AGAP1: variants seen among roughly 807,000 people sequenced by gnomAD.
The protein encoded by AGAP1 is arf-GAP with GTPase, ANK repeat and PH domain-containing protein 1.
In AGAP1, 29 loss-of-function variants were observed where a neutral mutation model predicts 105.3. The observed-to-expected ratio is 0.28, with a 90% CI of 0.21 to 0.38. The LOEUF (loss-of-function observed/expected upper bound fraction) is 0.38. Among genes scored for constraint, AGAP1 ranks in the 10% least tolerant of loss-of-function variants. The pLI is 1.00. For missense variants in AGAP1, 998 were observed against 1,165.1 expected, an observed-to-expected ratio of 0.86 and a Z score of 2.09; for synonymous variants, 509 against 485.9, an observed-to-expected ratio of 1.05 and a Z score of -0.63.
chr2:235,652,662 C>A (rs899184586), intron 1 of AGAP1, among the ~76,000 whole-genome samples: 1 of 152,056 alleles, frequency 6.6e-6, no homozygotes, highest in African/African-American at 2.4e-5. Flanking sequence ...GAGGCCCAGG[C>A]GGGTGGATCA....
intron 6 of AGAP1, among the ~76,000 whole-genome samples, chr2:235,764,137 C>T (rs1262121688): frequency 1.3e-5 from 2 of 152,192 alleles, no homozygotes; most frequent in Non-Finnish European, 2.9e-5. Context: ...TAAGCTCTTC[C>T]GACTGGTTGG....
At chr2:235,944,354 C>A (rs2053397983) in intron 12 of AGAP1, among the ~76,000 whole-genome samples, 1 of 152,200 alleles carries the variant, frequency 6.6e-6, no homozygotes, top group Non-Finnish European at 1.5e-5. Context: ...ACAACCTTAC[C>A]AGTTATCTTT....
At position 235,711,749 on chromosome 2, in the gene AGAP1, G is replaced by A. The variant is rs56022422; in HGVS notation, c.222+2512G>A. On this transcript the variant is annotated intron_variant, in intron 2 of 17. Coordinates refer to ENST00000304032, the MANE Select transcript of AGAP1 (RefSeq NM_001037131.3). ...GGAGTGCTCAGGGACTGAAGAAAGC[G>A]CTGCTTTGTTCCCTAGGCAGCCTCC... is the stretch of plus-strand genomic sequence containing the variant. 6.3e-3 allele frequency among the ~76,000 whole-genome samples: 958 copies of A among 152,226 alleles called. 17 individuals are homozygous for A. The highest frequency in any genetic ancestry group is 6.2e-3 in the Non-Finnish European group (422 of 68,004).
In AGAP1 at chr2:235,578,255, G is replaced by T. The variant is rs1026834947; in HGVS notation, c.163+83406G>T. ...GCTCCACGGTGCCCGTCTCCTACCT[G>T]CACTGTGCCCCCACACCTTTGTTGA... On this transcript the variant is annotated intron_variant, in intron 1 of 17. Transcript: ENST00000304032. The surrounding 1 kb of genome is among the most constrained non-coding windows in gnomAD (Gnocchi z 4.9). Among the ~76,000 whole-genome samples, 8 of 152,120 alleles carry T rather than the reference G, an allele frequency of 5.3e-5. No homozygotes were observed. The highest frequency in any genetic ancestry group is 1.9e-4 in the African/African-American group (8 of 41,428).
Position 235,695,466 on chromosome 2 carries a change from G to A in AGAP1, c.164-13713G>A, listed in dbSNP as rs114944106. 5.6e-3 allele frequency among the ~76,000 whole-genome samples: 857 copies of A among 152,246 alleles called. 11 individuals are homozygous for A. The highest frequency in any genetic ancestry group is 0.02 in the African/African-American group (823 of 41,520). Reference sequence around the variant, plus strand: ...CTTCCTTCACGGGTGTTTATATGTCGTCTCTGTCAGTCAGTTACATGGTGA... The same window carrying A: ...CTTCCTTCACGGGTGTTTATATGTCATCTCTGTCAGTCAGTTACATGGTGA... On this transcript the variant is annotated intron_variant, in intron 1 of 17. Transcript: ENST00000304032.
rs200875900 is a variant in AGAP1 at position 235,893,470 on chromosome 2, A to G, written c.1155+10021A>G. ...GCTGTGTCTGTGGTGCGGGTGCACC[A>G]TGTCCATCATAAGGGTGAGCCATGT... On this transcript the variant is annotated intron_variant, in intron 10 of 17. Coordinates refer to ENST00000304032, the MANE Select transcript of AGAP1 (RefSeq NM_001037131.3). The surrounding 1 kb of genome is among the most constrained non-coding windows in gnomAD (Gnocchi z 4.7). Among the ~76,000 whole-genome samples the G allele has an allele frequency of 2.1e-5, 3 of 144,380 alleles. No individual in the cohort carries two copies. The East Asian group carries it at 6.4e-4, about 31-fold the overall frequency. The allele number at this position is 144,380 out of a possible 152,430, so 94.7% of individuals were successfully genotyped here.
Position 235,596,107 on chromosome 2 carries a change from C to T in AGAP1, c.163+101258C>T, listed in dbSNP as rs1945517776. Among the ~76,000 whole-genome samples, 1 of 152,198 alleles carries T rather than the reference C, an allele frequency of 6.6e-6. No individual in the cohort carries two copies. Among genetic ancestry groups the T allele is most frequent in the African/African-American group, 2.4e-5 (1 of 41,452 alleles). On this transcript the variant is annotated intron_variant, in intron 1 of 17. Coordinates refer to ENST00000304032, the MANE Select transcript of AGAP1 (RefSeq NM_001037131.3). This position sits in a 1 kb window ranked among gnomAD's most constrained non-coding sequence, Gnocchi z 5.9. ...TGCTCCTAACAGTGATGCCGTCTTT[C>T]CATGGAAATCACCCATAAGCACAGC... is the stretch of plus-strand genomic sequence containing the variant.
Position 235,608,359 on chromosome 2 carries a change from C to T in AGAP1, c.164-100820C>T, listed in dbSNP as rs1271057466. Among the ~76,000 whole-genome samples the T allele has an allele frequency of 2.0e-5, 3 of 152,270 alleles. No individual in the cohort carries two copies. Among genetic ancestry groups the T allele is most frequent in the Middle Eastern group, 3.4e-3 (1 of 294 alleles). On this transcript the variant is annotated intron_variant, in intron 1 of 17. Transcript: ENST00000304032. The surrounding 1 kb of genome is among the most constrained non-coding windows in gnomAD (Gnocchi z 5.4). ...AGTAATCTGGCTCTGGGAGGAAACT[C>T]GCTGATTGGAGACTAGCTGAGAGGG...
chr2:235,860,576 A>T (rs2048887689), intron 9 of AGAP1, among the ~76,000 whole-genome samples: 2 of 152,242 alleles, frequency 1.3e-5, no homozygotes, highest in African/African-American at 4.8e-5. Flanking sequence ...AATTTCTCAA[A>T]AATACAGCAA....
intron 13 of AGAP1, among the ~76,000 whole-genome samples, chr2:235,995,545 A>G (rs978524681): frequency 6.6e-6 from 1 of 152,166 alleles, no homozygotes; most frequent in African/African-American, 2.4e-5. Flanking sequence ...AAAAAATTCT[A>G]CTTAAAGAAG....
At position 235,855,656 on chromosome 2, in the gene AGAP1, C is replaced by T. The variant is rs1365239710; in HGVS notation, c.1051-27689C>T. 6.6e-6 allele frequency among the ~76,000 whole-genome samples: 1 copy of T among 152,158 alleles called. No homozygotes were observed. The highest frequency in any genetic ancestry group is 2.4e-5 in the African/African-American group (1 of 41,440). Reference sequence around the variant, plus strand: ...AGCTACTCATCTCATTCTCTTATCTCCACTGTGCTGGGAAGACCGAGAGGC... The same window carrying T: ...AGCTACTCATCTCATTCTCTTATCTTCACTGTGCTGGGAAGACCGAGAGGC... On this transcript the variant is annotated intron_variant, in intron 9 of 17. Coordinates refer to ENST00000304032, the MANE Select transcript of AGAP1 (RefSeq NM_001037131.3). This position sits in a 1 kb window ranked among gnomAD's most constrained non-coding sequence, Gnocchi z 5.0.
chr2:235,664,204 A>G lies in AGAP1; in HGVS notation c.164-44975A>G, dbSNP rs1217103985. On this transcript the variant is annotated intron_variant, in intron 1 of 17. Coordinates refer to ENST00000304032, the MANE Select transcript of AGAP1 (RefSeq NM_001037131.3). This position sits in a 1 kb window ranked among gnomAD's most constrained non-coding sequence, Gnocchi z 5.7. ...CTTAATAGATTGGATTTTAATATAT[A>G]GTTTGTTTTTTTGTTTTTTTTTTCG... is the stretch of plus-strand genomic sequence containing the variant. Among the ~76,000 whole-genome samples, 1 of 151,434 alleles carries G rather than the reference A, an allele frequency of 6.6e-6. No individual in the cohort carries two copies. The highest frequency in any genetic ancestry group is 1.9e-4 in the East Asian group (1 of 5,144).
chr2:235,803,922 A>G (rs1420973593), intron 8 of AGAP1, among the ~76,000 whole-genome samples: 3 of 152,206 alleles, frequency 2.0e-5, no homozygotes, highest in South Asian at 2.1e-4. Context: ...GTTTGGTAAT[A>G]TGGGTTCTTA....
rs1264528767 is a variant in AGAP1, at chr2:235,633,905, G to T, written c.164-75274G>T. On this transcript the variant is annotated intron_variant, in intron 1 of 17. Transcript: ENST00000304032. The surrounding 1 kb of genome is among the most constrained non-coding windows in gnomAD (Gnocchi z 4.8). ...GAATGAGGGGCAAGAGATCAGGAGA[G>T]CAGGAGAAGCTCAGAGAGAAACTTG... 6.6e-6 allele frequency among the ~76,000 whole-genome samples: 1 copy of T among 152,162 alleles called. No individual in the cohort carries two copies. Among genetic ancestry groups the T allele is most frequent in the Non-Finnish European group, 1.5e-5 (1 of 68,036 alleles).
Position 235,625,922 on chromosome 2 carries a change from AGAAAG to A in AGAP1, c.164-83255_164-83251del, listed in dbSNP as rs1198633271. On this transcript the variant is annotated intron_variant, in intron 1 of 17. Coordinates refer to ENST00000304032, the MANE Select transcript of AGAP1 (RefSeq NM_001037131.3). This position sits in a 1 kb window ranked among gnomAD's most constrained non-coding sequence, Gnocchi z 4.0. ...CATTTATTCTTGAAATTCCACACAG[AGAAAG>A]GTGTTTCGGGGAAGTAGAATATTAG... Among the ~76,000 whole-genome samples the A allele has an allele frequency of 6.6e-6, 1 of 152,234 alleles. No individual in the cohort carries two copies. The highest frequency in any genetic ancestry group is 1.5e-5 in the Non-Finnish European group (1 of 68,040).
chr2:235,899,173 C>T (rs1414013247), intron 10 of AGAP1, among the ~76,000 whole-genome samples: 4 of 152,136 alleles, frequency 2.6e-5, no homozygotes, highest in South Asian at 2.1e-4. Flanking sequence ...ATGTAGCAAT[C>T]GATATTCACC....
intron 9 of AGAP1, among the ~76,000 whole-genome samples, chr2:235,876,790 C>T (rs915387830): frequency 6.6e-6 from 1 of 152,174 alleles, no homozygotes; most frequent in Admixed American, 6.5e-5. Flanking sequence ...CAGGCGCATC[C>T]CTGATCGTTG....
intron 1 of AGAP1, among the ~76,000 whole-genome samples, chr2:235,538,425 C>CTGTGTGTGTGTGTGTG (rs1413280144): frequency 2.5e-3 from 71 of 28,600 alleles, no homozygotes; most frequent in Non-Finnish European, 3.3e-3. Flanking sequence ...ACCTCAGCCA[C>CTGTGTGTGTGTGTGTG]TATGTGTGTG....
In AGAP1 at chr2:236,104,749, C is replaced by T. The variant is rs1191032932; in HGVS notation, c.2115-15443C>T. On this transcript the variant is annotated intron_variant, in intron 16 of 17. Coordinates refer to ENST00000304032, the MANE Select transcript of AGAP1 (RefSeq NM_001037131.3). This position sits in a 1 kb window ranked among gnomAD's most constrained non-coding sequence, Gnocchi z 4.7. The stretch of plus-strand genomic sequence containing the variant: ...ACCAAAAATACAAAAATTAGCTGGG[C>T]ATGGTGATGCGTGCCTGTAATCCCA... 2.0e-5 allele frequency among the ~76,000 whole-genome samples: 3 copies of T among 152,138 alleles called. No individual in the cohort carries two copies. Among genetic ancestry groups the T allele is most frequent in the Non-Finnish European group, 4.4e-5 (3 of 68,018 alleles).
Sources: gnomAD v4.1 joint callset for allele counts (sites outside exome capture counted in the v4.1 genomes callset) on GRCh38, gnomAD v4.1.1 for gene constraint, Gnocchi (gnomAD v3.1) non-coding constraint, MANE v1.5 for transcripts, NCBI Gene and HGNC (gene_info 2026-07-23, HGNC 2026-07-21) for gene names.